OCA2: variants seen among roughly 807,000 people sequenced by gnomAD.
OCA2 encodes the protein P protein.
OCA2 carries 77 observed loss-of-function variants against 100.2 expected under a neutral mutation model. That is an observed-to-expected ratio of 0.77 (90% CI 0.64 to 0.93). The LOEUF is 0.93. OCA2 is among the 40% of genes least tolerant of loss of function. OCA2 has a pLI of 0.00. For missense variants in OCA2, 1,062 were observed against 1,089.1 expected, an observed-to-expected ratio of 0.98 and a Z score of 0.35; for synonymous variants, 432 against 439.2, an observed-to-expected ratio of 0.98 and a Z score of 0.21.
chr15:27,871,174 T>C lies in OCA2; in HGVS notation c.2224A>G (p.Ile742Val). Residue 742 changes from isoleucine (I) to valine (V), a missense_variant, in exon 21 of 24, where the codon ATC becomes GTC. Ile to Val is a conservative substitution (Grantham distance 29). Coordinates refer to ENST00000354638, the MANE Select transcript of OCA2 (RefSeq NM_000275.3). ...CTCACCATGGTAGCAGTGAACGGGA[T>C]GTTGTCAATCAGGGACGACGCCAGG... ...SALASSLIDN[I>V]PFTATMIPVL... 6.2e-7 allele frequency: 1 copy of C among 1,613,824 alleles called. No homozygotes were observed.
intron 18 of OCA2, among the ~76,000 whole-genome samples, chr15:27,942,739 G>A (rs1032912111): frequency 2.0e-5 from 3 of 152,098 alleles, no homozygotes; most frequent in Admixed American, 6.6e-5. Flanking sequence ...TCAGTGTTAT[G>A]ATGAAATTTG....
Position 28,030,376 on chromosome 15 carries a change from G to C in OCA2, c.326+1689C>G, listed in dbSNP as rs539596538. The stretch of plus-strand genomic sequence containing the variant: ...ACAGGAGAAGCACTGACTCTTGGTG[G>C]GTGGGGCAGAGACAACTAAGGGTCC... On this transcript the variant is annotated intron_variant, in intron 3 of 23. Transcript: ENST00000354638. 2.6e-5 allele frequency among the ~76,000 whole-genome samples: 4 copies of C among 152,300 alleles called. No homozygotes were observed. The South Asian group carries it at 8.3e-4, about 32-fold the overall frequency.
intron 2 of OCA2, among the ~76,000 whole-genome samples, chr15:28,055,456 T>C (rs1446983948): frequency 6.6e-6 from 1 of 152,232 alleles, no homozygotes. Flanking sequence ...GAACCGCTCA[T>C]TGCAGAAGTT....
intron 14 of OCA2, among the ~76,000 whole-genome samples, chr15:27,981,733 C>T (rs1319031759): frequency 6.6e-6 from 1 of 152,142 alleles, no homozygotes; most frequent in South Asian, 2.1e-4. Flanking sequence ...GTAGTCTCCT[C>T]GCATGAATGC....
chr15:27,755,475 G>A lies in OCA2; in HGVS notation c.2433-3C>T. 6.2e-7 allele frequency: 1 copy of A among 1,610,172 alleles called. No individual in the cohort carries two copies. Among genetic ancestry groups the A allele is most frequent in the East Asian group, 2.2e-5 (1 of 44,850 alleles). Reference sequence around the variant, plus strand: ...CAACCATCATTGGGAAGCCCAGCCTGAAATACAAAGAGAAATGAGTTATGG... The same window carrying A: ...CAACCATCATTGGGAAGCCCAGCCTAAAATACAAAGAGAAATGAGTTATGG... On this transcript the variant is annotated splice_region_variant and splice_polypyrimidine_tract_variant and intron_variant, in intron 23 of 23. Coordinates refer to ENST00000354638, the MANE Select transcript of OCA2 (RefSeq NM_000275.3).
the OCA2 span, among the ~76,000 whole-genome samples, chr15:27,746,578 C>A: frequency 6.6e-6 from 1 of 152,040 alleles, no homozygotes; most frequent in Non-Finnish European, 1.5e-5. Flanking sequence ...TCCTCTTCTG[C>A]GGAACAACCC....
At chr15:27,744,833 C>T in the OCA2 span, among the ~76,000 whole-genome samples, 1 of 152,172 alleles carries the variant, frequency 6.6e-6, no homozygotes, top group Non-Finnish European at 1.5e-5. Context: ...GCCTGGAAAA[C>T]TAATTCAGGC....
At chr15:27,756,018 G>A (rs2030336008) in intron 23 of OCA2, among the ~76,000 whole-genome samples, 1 of 152,208 alleles carries the variant, frequency 6.6e-6, no homozygotes, top group Non-Finnish European at 1.5e-5. Flanking sequence ...GTGTGGACAA[G>A]GAGGGTATGC....
At chr15:27,997,240 G>GGAAAGAAAGAAAGAAAGAAAGAAAGAAA (rs35919216) in intron 9 of OCA2, among the ~76,000 whole-genome samples, 3 of 145,428 alleles carry the variant, frequency 2.1e-5, no homozygotes, top group African/African-American at 7.6e-5. Flanking sequence ...GAAGGAAGGA[G>GGAAAGAAAGAAAGAAAGAAAGAAAGAAA]GAAAGAAAGA....
the OCA2 span, among the ~76,000 whole-genome samples, chr15:27,740,913 C>T: frequency 6.6e-6 from 1 of 152,208 alleles, no homozygotes; most frequent in African/African-American, 2.4e-5. Flanking sequence ...CCTCATCCAT[C>T]CCACCTAACT....
At chr15:27,818,954 G>C (rs763265019) in intron 23 of OCA2, among the ~76,000 whole-genome samples, 2 of 152,164 alleles carry the variant, frequency 1.3e-5, no homozygotes, top group South Asian at 2.1e-4. Flanking sequence ...GGTAGGCTTC[G>C]GCTCATGCTG....
At chr15:27,984,409 T>A (rs889592945) in intron 13 of OCA2, among the ~76,000 whole-genome samples, 14 of 152,092 alleles carry the variant, frequency 9.2e-5, no homozygotes, top group Non-Finnish European at 1.8e-4. Context: ...CTACACCTGC[T>A]CATCCACACA....
chr15:27,808,782 A>G (rs1409302379), intron 23 of OCA2, among the ~76,000 whole-genome samples: 3 of 152,208 alleles, frequency 2.0e-5, no homozygotes, highest in Admixed American at 1.3e-4. Flanking sequence ...GGTGAGGAAC[A>G]GCGAGGAGGA....
At chr15:28,086,836 A>G (rs1595934314) in intron 1 of OCA2, among the ~76,000 whole-genome samples, 1 of 152,230 alleles carries the variant, frequency 6.6e-6, no homozygotes, top group Non-Finnish European at 1.5e-5. Flanking sequence ...GGGGACAGAG[A>G]AAAGAATCAA....
At chr15:28,020,330 G>A (rs1165649411) in intron 6 of OCA2, among the ~76,000 whole-genome samples, 1 of 152,208 alleles carries the variant, frequency 6.6e-6, no homozygotes, top group Non-Finnish European at 1.5e-5. Flanking sequence ...AGTGACCTAA[G>A]CTGCTGTGCT....
At chr15:27,981,728 C>T (rs1229584798) in intron 14 of OCA2, among the ~76,000 whole-genome samples, 1 of 152,170 alleles carries the variant, frequency 6.6e-6, no homozygotes, top group Non-Finnish European at 1.5e-5. Flanking sequence ...CTCATGTAGT[C>T]TCCTCGCATG....
Position 28,070,413 on chromosome 15 carries a change from G to T in OCA2, c.227+11235C>A, listed in dbSNP as rs867174745. ...GGGAAGTGAGGAGCCCCTCAGCCCG[G>T]CCAGCCACCCCGTCCGGGAGGGAGA... On this transcript the variant is annotated intron_variant, in intron 2 of 23. Transcript: ENST00000354638. Among the ~76,000 whole-genome samples, 51 of 133,600 alleles carry T rather than the reference G, an allele frequency of 3.8e-4. 1 individual carries two copies. Among genetic ancestry groups the T allele is most frequent in the Middle Eastern group, 4.1e-3 (1 of 246 alleles). 87.6% of individuals were successfully genotyped at this position (133,600 alleles called of 152,430 possible).
At chr15:28,002,367 C>T (rs548113342) in intron 9 of OCA2, among the ~76,000 whole-genome samples, 39 of 152,238 alleles carry the variant, frequency 2.6e-4, no homozygotes, top group African/African-American at 8.9e-4. Context: ...CCCTGCAGGG[C>T]CTGCTCCGCC....
At chr15:27,877,062 A>C (rs192219570) in intron 19 of OCA2, among the ~76,000 whole-genome samples, 1 of 151,840 alleles carries the variant, frequency 6.6e-6, no homozygotes, top group Non-Finnish European at 1.5e-5. Context: ...GCACTCAAAA[A>C]TTTTTTATAT....
Sources: allele counts gnomAD v4.1 joint callset (sites outside exome capture counted in the v4.1 genomes callset), GRCh38; gene constraint gnomAD v4.1.1; transcripts MANE v1.5; gene names NCBI Gene and HGNC (gene_info 2026-07-23, HGNC 2026-07-21).